Variants in ZNF404 observed in about 807,000 individuals in gnomAD.
ZNF404 encodes the protein zinc finger protein 404.
Under a neutral mutation model 7.3 loss-of-function variants are expected in ZNF404, and 7 were observed. The observed-to-expected ratio is 0.95, with a 90% CI of 0.54 to 1.79. ZNF404 has a LOEUF of 1.79. Ranked by LOEUF, ZNF404 falls within the 40% of genes most tolerant of loss-of-function variation. The pLI is 0.00. For missense variants in ZNF404, 560 were observed against 661.5 expected (o/e 0.85, Z 1.68); for synonymous variants, 191 against 209.9 (o/e 0.91, Z 0.78).
chr19:43,876,186 CACCT>C (rs1293413459), intron 2 of ZNF404, among the ~76,000 whole-genome samples: 1 of 152,016 alleles, frequency 6.6e-6, no homozygotes, highest in Non-Finnish European at 1.5e-5. Context: ...TGGTGGCACA[CACCT>C]ATAGTCCTAG....
chr19:43,873,908 A>G lies in ZNF404; in HGVS notation c.306T>C (p.Pro102=), dbSNP rs2146617350. ...YTIEFGRQQR[P]KVGCFSQMIF... is the part of the protein sequence containing the mutation. ...TCATTTGACTAAAACATCCCACTTT[A>G]GGTCTCTGTTGTCTCCCAAATTCAA... The change falls in exon 3 of 3, where the codon CCT becomes CCC. Residue 102 remains proline (P), a synonymous_variant. Transcript: ENST00000587539. The G allele has an allele frequency of 1.2e-6, 2 of 1,613,200 alleles. No homozygotes were observed.
chr19:43,877,900 A>C (rs1247798669), intron 2 of ZNF404, among the ~76,000 whole-genome samples: 2 of 150,868 alleles, frequency 1.3e-5, no homozygotes, highest in Non-Finnish European at 2.9e-5. Flanking sequence ...ATGTCCCTAC[A>C]AAGGACATGA....
Position 43,874,033 on chromosome 19 carries a change from T to A in ZNF404, c.181A>T (p.Arg61Ter). ...TESNKLSSEK[R>*]NYEVNAYHQE... is the part of the protein sequence containing the mutation. ...TGGTACGCATTTACTTCATAATTTC[T>A]TTTTTCTGAAGATAACTTGTTGCTT... is the stretch of plus-strand genomic sequence containing the variant. The change falls in exon 3 of 3, where the codon AGA (arginine) becomes TGA (stop). Residue 61 changes from arginine (R) to a stop codon, truncating the protein, a stop_gained. Coordinates refer to ENST00000587539, the MANE Select transcript of ZNF404 (RefSeq NM_001033719.3). LOFTEE classifies it low-confidence loss of function (END_TRUNC). The A allele has an allele frequency of 6.3e-7, 1 of 1,582,042 alleles. No homozygotes were observed. Among genetic ancestry groups the A allele is most frequent in the African/African-American group, 1.4e-5 (1 of 72,934 alleles).
chr19:43,873,066 T>C lies in ZNF404; in HGVS notation c.1148A>G (p.His383Arg), dbSNP rs769878889. ...AGTCTTCCCACATTCTTTACATTCA[T>C]GTGGCTTCTCACCAGTATGAATTCT... ...HQRIHTGEKP[H>R]ECKECGKTFK... The change falls in exon 3 of 3, where the codon CAT becomes CGT. Residue 383 changes from histidine to arginine, a missense_variant. Coordinates refer to ENST00000587539, the MANE Select transcript of ZNF404 (RefSeq NM_001033719.3). 20 of 1,612,154 alleles carry C rather than the reference T, an allele frequency of 1.2e-5. No homozygotes were observed. The highest frequency in any genetic ancestry group is 1.5e-5 in the Non-Finnish European group (18 of 1,178,954).
Position 43,873,021 on chromosome 19 carries a change from A to C in ZNF404, c.1193T>G (p.Leu398Arg), listed in dbSNP as rs1220529665. 6.2e-7 allele frequency: 1 copy of C among 1,604,804 alleles called. No individual in the cohort carries two copies. The highest frequency in any genetic ancestry group is 1.3e-5 in the African/African-American group (1 of 74,816). The change falls in exon 3 of 3, where the codon CTT becomes CGT. Residue 398 changes from leucine (L) to arginine (R), a missense_variant. Transcript: ENST00000587539. The part of the protein sequence containing the change: ...CGKTFKLHSY[L>R]IQHQIIHTDL... The stretch of plus-strand genomic sequence containing the variant: ...AGTATGAATTATCTGATGTTGAATA[A>C]GATATGAATGAAGCTTAAAAGTCTT...
At chr19:43,875,730 A>G (rs770128935) in intron 2 of ZNF404, among the ~76,000 whole-genome samples, 1 of 152,214 alleles carries the variant, frequency 6.6e-6, no homozygotes, top group Non-Finnish European at 1.5e-5. Context: ...AAATTTAAAA[A>G]GTCAAAATAA....
At position 43,873,205 on chromosome 19, in the gene ZNF404, C is replaced by T. The variant is rs239942; in HGVS notation, c.1009G>A (p.Gly337Ser). The change falls in exon 3 of 3, where the codon GGT becomes AGT. Residue 337 changes from glycine to serine, a missense_variant. By Grantham distance (56) the Gly-to-Ser change is moderately conservative. Transcript: ENST00000587539. ...TGTTTAAGAAGGCTTGAGCCCTTAC[C>T]AAAAGCCTTTCCACATTCCATGCAT... ...HECMECGKAF[G>S]KGSSLLKHKR... is the part of the protein sequence containing the mutation. 1,613,487 of 1,613,700 alleles carry T rather than the reference C, an allele frequency of 1. 806,637 individuals are homozygous for T. Among genetic ancestry groups the T allele is most frequent in the African/African-American group, 1 (75,027 of 75,028 alleles).
rs1262496158 is a variant in ZNF404, at chr19:43,872,570, C to G, written c.1644G>C (p.Glu548Asp). The stretch of plus-strand genomic sequence containing the variant: ...TTCCCTCTCATTACATTAAGAGTCT[C>G]TCACCATGGTGAAATCTTTGATGTT... The part of the protein sequence containing the change: ...LSQHQRFHHG[E>D]RLLM The change falls in exon 3 of 3, where the codon GAG becomes GAC. Residue 548 changes from glutamate to aspartate, a missense_variant. Coordinates refer to ENST00000587539, the MANE Select transcript of ZNF404 (RefSeq NM_001033719.3). The surrounding 1 kb of genome is among the most constrained non-coding windows in gnomAD (Gnocchi z 4.4). 2 of 1,602,054 alleles carry G rather than the reference C, an allele frequency of 1.2e-6. No homozygotes were observed. The highest frequency in any genetic ancestry group is 1.7e-6 in the Non-Finnish European group (2 of 1,173,894).
intron 1 of ZNF404, among the ~76,000 whole-genome samples, chr19:43,881,957 CAAA>C (rs56324784): frequency 0.46 from 50,900 of 111,384 alleles, 11,243 homozygotes; most frequent in East Asian, 0.78. Context: ...AACTCTGTCT[CAAA>C]AAAAAAAAAA....
rs1450508251 is a variant in ZNF404, at chr19:43,873,266, T to C, written c.948A>G (p.Glu316=). Residue 316 remains glutamate, a synonymous_variant, in exon 3 of 3, where the codon GAA becomes GAG. Transcript: ENST00000587539. ...TCTCACCAGTATGACTTCTTTGATGTTCAACAAGTAGATAGCTGCGAACAA... is the reference window on the plus strand; with the variant it reads ...TCTCACCAGTATGACTTCTTTGATGCTCAACAAGTAGATAGCTGCGAACAA... ...KAFVRSYLLV[E]HQRSHTGEKP... 1 of 1,613,680 alleles carries C rather than the reference T, an allele frequency of 6.2e-7. No homozygotes were observed. Among genetic ancestry groups the C allele is most frequent in the Non-Finnish European group, 8.5e-7 (1 of 1,179,702 alleles).
intron 1 of ZNF404, among the ~76,000 whole-genome samples, chr19:43,881,456 T>A (rs185640959): frequency 2.6e-5 from 4 of 152,212 alleles, no homozygotes; most frequent in African/African-American, 9.6e-5. Context: ...AAATTAAAAT[T>A]AAAAATACTG....
At position 43,872,432 on chromosome 19, in the gene ZNF404, A is replaced by G; in HGVS notation, c.*123T>C. ...ATAAAAATAATGTATTTAGTAAGCA[A>G]ATACGATGTGCCAGATGCCTTTCCA... is the stretch of plus-strand genomic sequence containing the variant. On this transcript the variant is annotated 3_prime_UTR_variant, in exon 3 of 3. Coordinates refer to ENST00000587539, the MANE Select transcript of ZNF404 (RefSeq NM_001033719.3). This position sits in a 1 kb window ranked among gnomAD's most constrained non-coding sequence, Gnocchi z 4.4. The G allele has an allele frequency of 2.9e-6, 2 of 679,992 alleles. No homozygotes were observed. The highest frequency in any genetic ancestry group is 4.5e-6 in the Non-Finnish European group (2 of 439,808). 42.1% of individuals were successfully genotyped at this position (679,992 alleles called of 1,614,324 possible). A position where few individuals can be genotyped will look rare whatever the true frequency, so the allele number is the denominator to read the frequency against.
chr19:43,882,783 C>A (rs1197721433), intron 1 of ZNF404, among the ~76,000 whole-genome samples: 4 of 147,334 alleles, frequency 2.7e-5, no homozygotes, highest in Non-Finnish European at 5.9e-5. Flanking sequence ...AGAGCAAGAC[C>A]CCATCTCTAA....
rs761212487 is a variant in ZNF404 at position 43,873,256 on chromosome 19, T to C, written c.958A>G (p.Ser320Gly). Reference protein sequence around the residue: ...RSYLLVEHQRSHTGEKPHECM... With the variant: ...RSYLLVEHQRGHTGEKPHECM... The stretch of plus-strand genomic sequence containing the variant: ...TCATGAGGTTTCTCACCAGTATGAC[T>C]TCTTTGATGTTCAACAAGTAGATAG... Residue 320 changes from serine (S) to glycine (G), a missense_variant, in exon 3 of 3, where the codon AGT (serine) becomes GGT (glycine). Transcript: ENST00000587539. 50 of 1,613,706 alleles carry C rather than the reference T, an allele frequency of 3.1e-5. No homozygotes were observed. The highest frequency in any genetic ancestry group is 4.2e-5 in the Non-Finnish European group (49 of 1,179,682).
rs376864001 is a variant in ZNF404 at position 43,874,046 on chromosome 19, T to C, written c.168A>G (p.Leu56=). Residue 56 remains leucine, a synonymous_variant, in exon 3 of 3, where the codon TTA becomes TTG. Transcript: ENST00000587539. ...CTTCATAATTTCTTTTTTCTGAAGA[T>C]AACTTGTTGCTTTCAGTTGTGAAAT... ...DFNFTTESNK[L]SSEKRNYEVN... 1.9e-5 allele frequency: 30 copies of C among 1,576,068 alleles called. No individual in the cohort carries two copies. The highest frequency in any genetic ancestry group is 2.6e-5 in the Non-Finnish European group (30 of 1,169,254).
rs539955237 is a variant in ZNF404 at position 43,883,114 on chromosome 19, A to AG, written c.9+841dup. On this transcript the variant is annotated intron_variant, in intron 1 of 2. Transcript: ENST00000587539. ...AGACTCCATCTCAAAGAAAAAAAAA[A>AG]GAATCAAGTGACAAGCACCCTCTTA... is the stretch of plus-strand genomic sequence containing the variant. Among the ~76,000 whole-genome samples, 76 of 152,200 alleles carry AG rather than the reference A, an allele frequency of 5.0e-4. 1 individual carries two copies. In the East Asian group the frequency reaches 8.9e-3, roughly 18 times the overall value.
At chr19:43,879,905 A>G in intron 2 of ZNF404, 105 bp downstream of exon 2, 1 of 1,417,070 alleles carries the variant, frequency 7.1e-7, no homozygotes, top group Non-Finnish European at 9.8e-7. Flanking sequence ...GAGAATATGG[A>G]GCAGAAATGT....
intron 1 of ZNF404, 34 bp downstream of exon 1, chr19:43,883,922 A>G (rs781469027): frequency 4.4e-6 from 7 of 1,597,254 alleles, no homozygotes; most frequent in East Asian, 2.2e-5. Context: ...AAAAATCACA[A>G]TAAGTCAGAA....
In ZNF404 at chr19:43,880,033, T is replaced by A; in HGVS notation, c.113A>T (p.Asn38Ile). 1 of 1,613,824 alleles carries A rather than the reference T, an allele frequency of 6.2e-7. No individual in the cohort carries two copies. The highest frequency in any genetic ancestry group is 8.5e-7 in the Non-Finnish European group (1 of 1,179,760). Residue 38 changes from asparagine to isoleucine, a missense_variant, in exon 2 of 3, where the codon AAT becomes ATT. Coordinates refer to ENST00000587539, the MANE Select transcript of ZNF404 (RefSeq NM_001033719.3). ...ACCCAATGAGACCAAGTTAGTATAA[T>A]TCTCCAACATCACATCTCTGTACAA... ...RDLYRDVMLE[N>I]YTNLVSLDFN...
Sources: allele counts gnomAD v4.1 joint callset (sites outside exome capture counted in the v4.1 genomes callset), GRCh38; gene constraint gnomAD v4.1.1; non-coding constraint Gnocchi (gnomAD v3.1); transcripts MANE v1.5; gene names NCBI Gene and HGNC (gene_info 2026-07-23, HGNC 2026-07-21).